Variants in TTC29 observed in about 807,000 individuals in gnomAD.
TTC29 encodes tetratricopeptide repeat domain 29, also known as tetratricopeptide repeat protein 29.
TTC29 carries 49 observed loss-of-function variants against 58.1 expected under a neutral mutation model. The observed-to-expected ratio is 0.84, with a 90% confidence interval of 0.67 to 1.07. TTC29 has a LOEUF of 1.07. TTC29 is among the 50% of genes least tolerant of loss of function. The probability of loss-of-function intolerance (pLI) is 0.00; values close to 1 mark genes in which losing one functional copy is unlikely to be tolerated. For missense variants in TTC29, 582 were observed against 555.6 expected (o/e 1.05, Z -0.48); for synonymous variants, 209 against 196.8 (o/e 1.06, Z -0.52).
chr4:146,928,334 A>G (rs1735076924), intron 4 of TTC29, among the ~76,000 whole-genome samples: 1 of 152,202 alleles, frequency 6.6e-6, no homozygotes, highest in African/African-American at 2.4e-5. Context: ...TTAGCTGTAA[A>G]TTGAACTAAT....
intron 11 of TTC29, among the ~76,000 whole-genome samples, chr4:146,716,681 A>C (rs577280667): frequency 6.6e-6 from 1 of 152,246 alleles, no homozygotes; most frequent in South Asian, 2.1e-4. Flanking sequence ...ATCCAGTCCA[A>C]ATATAGTATT....
intron 9 of TTC29, among the ~76,000 whole-genome samples, chr4:146,827,449 T>C (rs914103386): frequency 1.3e-5 from 2 of 152,242 alleles, no homozygotes; most frequent in African/African-American, 2.4e-5. Flanking sequence ...GTTATCTCCT[T>C]GCATAACCTC....
At chr4:146,885,103 G>A (rs1277306978) in intron 6 of TTC29, among the ~76,000 whole-genome samples, 1 of 152,018 alleles carries the variant, frequency 6.6e-6, no homozygotes, top group East Asian at 1.9e-4. Flanking sequence ...ACCAGCTCAA[G>A]TTTACCCAGG....
chr4:146,753,728 G>A (rs974788645), intron 11 of TTC29, among the ~76,000 whole-genome samples: 2 of 152,038 alleles, frequency 1.3e-5, no homozygotes, highest in Non-Finnish European at 1.5e-5. Context: ...GCAGCCATAA[G>A]AAATGATGAG....
At chr4:146,767,207 A>G (rs895112869) in intron 11 of TTC29, among the ~76,000 whole-genome samples, 1 of 152,028 alleles carries the variant, frequency 6.6e-6, no homozygotes, top group African/African-American at 2.4e-5. Context: ...AGCTAGAATC[A>G]GAGAGCCCTG....
intron 11 of TTC29, among the ~76,000 whole-genome samples, chr4:146,769,926 T>C (rs1291532652): frequency 6.6e-6 from 1 of 152,058 alleles, no homozygotes; most frequent in Non-Finnish European, 1.5e-5. Flanking sequence ...GTCTGTTTGT[T>C]ACAACTCCCC....
chr4:146,721,575 T>C lies in TTC29; in HGVS notation c.1331-14024A>G, dbSNP rs79919194. 7.1e-3 allele frequency among the ~76,000 whole-genome samples: 1,086 copies of C among 152,286 alleles called. 12 individuals are homozygous for C. The highest frequency in any genetic ancestry group is 0.025 in the African/African-American group (1,026 of 41,568). On this transcript the variant is annotated intron_variant, in intron 11 of 12. Coordinates refer to ENST00000325106, the MANE Select transcript of TTC29 (RefSeq NM_031956.4). ...CAGCTTATGATTTACTTTAAAAATA[T>C]GACACAATAAAATGTTAGTTGGCAC... is the stretch of plus-strand genomic sequence containing the variant.
chr4:146,902,228 T>C (rs1033663102), intron 6 of TTC29, among the ~76,000 whole-genome samples: 6 of 152,110 alleles, frequency 3.9e-5, no homozygotes, highest in South Asian at 4.1e-4. Flanking sequence ...TTCCTTGCCC[T>C]CCGTGTACAG....
intron 11 of TTC29, among the ~76,000 whole-genome samples, chr4:146,720,641 T>C (rs1743287443): frequency 6.6e-6 from 1 of 152,158 alleles, no homozygotes. Context: ...CAAAGACTCC[T>C]GAAATGCCAC....
At chr4:146,850,922 G>A (rs537839160) in intron 8 of TTC29, among the ~76,000 whole-genome samples, 3 of 152,048 alleles carry the variant, frequency 2.0e-5, no homozygotes, top group Admixed American at 6.6e-5. Flanking sequence ...AAAATGTATC[G>A]TTAAATCATT....
At chr4:146,728,741 A>T (rs551319963) in intron 11 of TTC29, among the ~76,000 whole-genome samples, 189 of 142,978 alleles carry the variant, frequency 1.3e-3, no homozygotes, top group African/African-American at 4.7e-3. Context: ...TGTGTGTATA[A>T]CTGTCCAGAG....
intron 8 of TTC29, among the ~76,000 whole-genome samples, chr4:146,848,201 T>C (rs1266070666): frequency 6.6e-6 from 1 of 152,238 alleles, no homozygotes; most frequent in Non-Finnish European, 1.5e-5. Flanking sequence ...ACACACATTA[T>C]ACTTTCTTCA....
intron 11 of TTC29, among the ~76,000 whole-genome samples, chr4:146,754,035 C>T (rs1746237813): frequency 6.7e-6 from 1 of 150,136 alleles, no homozygotes; most frequent in African/African-American, 2.5e-5. Context: ...GCATATGTAC[C>T]CTAAAACTTA....
At chr4:146,902,759 C>T (rs1733239702) in intron 6 of TTC29, among the ~76,000 whole-genome samples, 1 of 152,132 alleles carries the variant, frequency 6.6e-6, no homozygotes, top group Admixed American at 6.6e-5. Flanking sequence ...CGAGCTTTAG[C>T]TACAATCACA....
intron 8 of TTC29, among the ~76,000 whole-genome samples, chr4:146,835,409 C>A (rs1728441569): frequency 6.6e-6 from 1 of 152,024 alleles, no homozygotes; most frequent in South Asian, 2.1e-4. Flanking sequence ...TTTTGGAATC[C>A]TAATATCAAA....
intron 11 of TTC29, among the ~76,000 whole-genome samples, chr4:146,729,335 C>T (rs549160492): frequency 6.6e-6 from 1 of 152,136 alleles, no homozygotes; most frequent in South Asian, 2.1e-4. Flanking sequence ...TCATTTAACT[C>T]TCTTTTCCTT....
chr4:146,848,637 A>G (rs1270211469), intron 8 of TTC29, among the ~76,000 whole-genome samples: 8 of 152,234 alleles, frequency 5.3e-5, no homozygotes, highest in Admixed American at 2.6e-4. Context: ...TAGGTTTTAT[A>G]GCAGGAACTG....
chr4:146,749,685 G>A (rs1745831443), intron 11 of TTC29, among the ~76,000 whole-genome samples: 1 of 152,130 alleles, frequency 6.6e-6, no homozygotes, highest in Non-Finnish European at 1.5e-5. Context: ...CCAGATTGAT[G>A]AAACTAAAAA....
rs375603957 is a variant in TTC29, at chr4:146,919,036, T to C, written c.177-9787A>G. ...CTCCTTATATGAGGTTAATTACATA[T>C]GCAATTTTGATAAAAGTCTTATTAC... On this transcript the variant is annotated intron_variant, in intron 4 of 12. Coordinates refer to ENST00000325106, the MANE Select transcript of TTC29 (RefSeq NM_031956.4). 8.9e-4 allele frequency among the ~76,000 whole-genome samples: 134 copies of C among 151,336 alleles called. 3 individuals are homozygous for C. Among genetic ancestry groups the C allele is most frequent in the African/African-American group, 2.6e-3 (109 of 41,510 alleles).
Sources: gnomAD v4.1 joint callset for allele counts (sites outside exome capture counted in the v4.1 genomes callset) on GRCh38, gnomAD v4.1.1 for gene constraint, MANE v1.5 for transcripts, NCBI Gene and HGNC (gene_info 2026-07-23, HGNC 2026-07-21) for gene names.